Variants in SCGB1C1 observed in about 807,000 individuals in gnomAD.
The protein encoded by SCGB1C1 is secretoglobin family 1C member 1, also known as ligand binding protein RYD5.
SCGB1C1 carries 2 observed loss-of-function variants against 8.9 expected under a neutral mutation model. The observed-to-expected ratio is 0.23, with a 90% CI of 0.09 to 0.71. The LOEUF (loss-of-function observed/expected upper bound fraction) is 0.71, where lower values mean the gene tolerates loss of function less well. Ranked by LOEUF, SCGB1C1 falls within the 30% of genes least tolerant of loss-of-function variation. The pLI, the probability that SCGB1C1 is intolerant of heterozygous loss-of-function variation, is 0.78. For missense variants in SCGB1C1, 25 were observed against 112.7 expected (o/e 0.22, Z 3.52); for synonymous variants, 6 against 45.8 (o/e 0.13, Z 3.51).
At chr11:189,669 A>G (rs11245989), upstream of SCGB1C1, among the ~76,000 whole-genome samples, 2 of 152,202 alleles carry the variant, frequency 1.3e-5, no homozygotes, top group South Asian at 4.2e-4. Context: ...AGACGGGTTG[A>G]ACCTCAGTAA....
At chr11:189,899 CGT>C (rs1854760471), upstream of SCGB1C1, among the ~76,000 whole-genome samples, 1 of 152,298 alleles carries the variant, frequency 6.6e-6, no homozygotes, top group African/African-American at 2.4e-5. Context: ...CAGCTAGGGA[CGT>C]TGCAGGGCCC....
chr11:193,202 A>AGG, intron 1 of SCGB1C1, 48 bp downstream of exon 1: 2 of 217,278 alleles, frequency 9.2e-6, no homozygotes, highest in Admixed American at 6.9e-5. Context: ...GGTGGGGGGG[A>AGG]GTGGGGGGTA....
At chr11:191,744 C>G, upstream of SCGB1C1, among the ~76,000 whole-genome samples, 1 of 152,306 alleles carries the variant, frequency 6.6e-6, no homozygotes, top group Non-Finnish European at 1.5e-5. Flanking sequence ...AAAACAAGAA[C>G]TCTTTTCATT....
chr11:193,532 G>C (rs1854854052), intron 1 of SCGB1C1, among the ~76,000 whole-genome samples, 180 bp from the exon 2 acceptor site: 1 of 152,272 alleles, frequency 6.6e-6, no homozygotes, highest in Non-Finnish European at 1.5e-5. Context: ...GGGGGATGTG[G>C]AGGGGTCTTC....
chr11:188,174 T>A (rs1320965100), upstream of SCGB1C1, among the ~76,000 whole-genome samples: 1 of 152,252 alleles, frequency 6.6e-6, no homozygotes, highest in African/African-American at 2.4e-5. Flanking sequence ...ACTTTTTTCC[T>A]CTGGCTATAA....
upstream of SCGB1C1, among the ~76,000 whole-genome samples, chr11:190,940 G>C (rs1854793753): frequency 1.3e-5 from 2 of 152,306 alleles, no homozygotes; most frequent in Non-Finnish European, 2.9e-5. Flanking sequence ...CATCTTCAGA[G>C]GAGTTCTAGG....
upstream of SCGB1C1, among the ~76,000 whole-genome samples, chr11:192,037 C>G (rs1242622479): frequency 6.6e-6 from 1 of 152,192 alleles, no homozygotes; most frequent in Non-Finnish European, 1.5e-5. Flanking sequence ...AGGCTTTTTC[C>G]AGGATGGGAT....
intron 2 of SCGB1C1, 92 bp from the exon 3 acceptor site, chr11:194,326 C>T: frequency 3.3e-6 from 4 of 1,201,546 alleles, no homozygotes; most frequent in East Asian, 2.3e-5. Context: ...ATGCCAGACC[C>T]CCCCCCACTG....
chr11:189,954 A>G (rs72479375), upstream of SCGB1C1, among the ~76,000 whole-genome samples: 1 of 97,968 alleles, frequency 1.0e-5, no homozygotes, highest in African/African-American at 4.6e-5. Context: ...CTGCTGGCAG[A>G]TGGGGACACT....
chr11:192,355 G>A (rs1168417290), upstream of SCGB1C1, among the ~76,000 whole-genome samples: 1 of 151,648 alleles, frequency 6.6e-6, no homozygotes, highest in Non-Finnish European at 1.5e-5. Flanking sequence ...CTTCAACCTG[G>A]GGGGTTGAAC....
At chr11:191,828 T>A (rs1189455668), upstream of SCGB1C1, among the ~76,000 whole-genome samples, 4 of 84,498 alleles carry the variant, frequency 4.7e-5, no homozygotes, top group African/African-American at 1.8e-4. Context: ...CCCTAACCCC[T>A]AACCCTAACC....
chr11:190,718 G>T (rs1320897769), upstream of SCGB1C1, among the ~76,000 whole-genome samples: 1 of 152,300 alleles, frequency 6.6e-6, no homozygotes. Context: ...TGATCAATAC[G>T]AATCCACTCT....
upstream of SCGB1C1, among the ~76,000 whole-genome samples, chr11:190,848 C>T (rs1304177209): frequency 2.0e-5 from 3 of 151,586 alleles, no homozygotes; most frequent in Non-Finnish European, 4.4e-5. Context: ...TGCCAGGTTT[C>T]TCTTAAGAAT....
At chr11:189,995 G>A (rs1854764015), upstream of SCGB1C1, among the ~76,000 whole-genome samples, 1 of 15,766 alleles carries the variant, frequency 6.3e-5, no homozygotes, top group Non-Finnish European at 1.1e-4. Context: ...GTGTAGTCGG[G>A]GCACGCCCTC....
upstream of SCGB1C1, among the ~76,000 whole-genome samples, chr11:188,408 ATTC>A (rs1285950918): frequency 1.3e-5 from 2 of 151,642 alleles, no homozygotes; most frequent in Non-Finnish European, 2.9e-5. Flanking sequence ...AAACATAACA[ATTC>A]TTCAAAAAAA....
chr11:192,872 TTC>T (rs1302894008), upstream of SCGB1C1, among the ~76,000 whole-genome samples: 131 of 134,370 alleles, frequency 9.7e-4, no homozygotes, highest in African/African-American at 3.1e-3. Context: ...AACACACCTG[TTC>T]TCTCTCTCAC....
At chr11:192,285 C>A (rs1239878143), upstream of SCGB1C1, among the ~76,000 whole-genome samples, 2 of 151,750 alleles carry the variant, frequency 1.3e-5, no homozygotes, top group African/African-American at 2.4e-5. Flanking sequence ...TTTGGTGACT[C>A]CAGGTGTCCC....
chr11:191,704 C>G (rs2133720612), upstream of SCGB1C1, among the ~76,000 whole-genome samples: 1 of 152,374 alleles, frequency 6.6e-6, no homozygotes, highest in African/African-American at 2.4e-5. Context: ...AATTGCTAAA[C>G]TCTTTTAAAA....
chr11:191,821 TAA>T (rs1854812926), upstream of SCGB1C1, among the ~76,000 whole-genome samples: 1 of 87,426 alleles, frequency 1.1e-5, no homozygotes, highest in South Asian at 3.3e-4. Context: ...CCCTAACCCC[TAA>T]CCCCTAACCC....
Sources: gnomAD v4.1 joint callset for allele counts (sites outside exome capture counted in the v4.1 genomes callset) on GRCh38, gnomAD v4.1.1 for gene constraint, MANE v1.5 for transcripts, NCBI Gene and HGNC (gene_info 2026-07-23, HGNC 2026-07-21) for gene names.